The following PDE1B variants were observed in gnomAD, a reference collection of about 807,000 sequenced individuals.
PDE1B encodes the protein dual specificity calcium/calmodulin-dependent 3',5'-cyclic nucleotide phosphodiesterase 1B.
PDE1B carries 13 observed loss-of-function variants against 66.7 expected under a neutral mutation model. That is an observed-to-expected ratio of 0.19 (90% CI 0.13 to 0.31). The LOEUF (loss-of-function observed/expected upper bound fraction) is 0.31, where lower values mean the gene tolerates loss of function less well. Ranked by LOEUF, PDE1B falls within the 10% of genes least tolerant of loss-of-function variation. PDE1B has a pLI of 1.00. For missense variants in PDE1B, 485 were observed against 682.3 expected (o/e 0.71, Z 3.22); for synonymous variants, 230 against 253.9 (o/e 0.91, Z 0.90).
At chr12:54,567,498 T>G (rs1957535455) in intron 3 of PDE1B, among the ~76,000 whole-genome samples, 1 of 130,936 alleles carries the variant, frequency 7.6e-6, no homozygotes, top group African/African-American at 2.8e-5. Flanking sequence ...AGCAAGACCC[T>G]GTCTCAAAAT....
chr12:54,568,006 C>T (rs1039753574), intron 3 of PDE1B, among the ~76,000 whole-genome samples: 8 of 152,162 alleles, frequency 5.3e-5, no homozygotes, highest in Non-Finnish European at 7.4e-5. Flanking sequence ...CAGGCATGTG[C>T]CACTACGCCC....
chr12:54,576,685 G>C lies in PDE1B; in HGVS notation c.1491G>C (p.Lys497Asn). 1.2e-6 allele frequency: 2 copies of C among 1,609,656 alleles called. No individual in the cohort carries two copies. Among genetic ancestry groups the C allele is most frequent in the Non-Finnish European group, 1.7e-6 (2 of 1,177,800 alleles). The change falls in exon 14 of 16, where the codon AAG becomes AAC. Residue 497 changes from lysine (K) to asparagine (N), a missense_variant. Lys to Asn is a moderately conservative substitution (Grantham distance 94). Transcript: ENST00000243052. Reference sequence around the variant, plus strand: ...TTCAGGAGAATAAGCAGAAATGGAAGGAACGGGCAGCAAGTGGTGGGTACC... The same window carrying C: ...TTCAGGAGAATAAGCAGAAATGGAACGAACGGGCAGCAAGTGGTGGGTACC... ...KRIQENKQKWKERAASGITNQ... is the reference protein window; with the variant it reads ...KRIQENKQKWNERAASGITNQ...
intron 2 of PDE1B, among the ~76,000 whole-genome samples, chr12:54,552,260 G>C (rs1044052481): frequency 1.3e-5 from 2 of 152,160 alleles, no homozygotes; most frequent in African/African-American, 4.8e-5. Flanking sequence ...TTTCTGAATA[G>C]GTGAGAAAGG....
rs563849733 is a variant in PDE1B at position 54,575,766 on chromosome 12, G to A, written c.1267+134G>A. ...GGAAAGCCTACTGTGCTAGAGCATG[G>A]GGTCCTGGGTTAGGAGGCCAGGGGG... On this transcript the variant is annotated intron_variant, in intron 12 of 15. Transcript: ENST00000243052. The surrounding 1 kb of genome is among the most constrained non-coding windows in gnomAD (Gnocchi z 4.0). 1.2e-3 allele frequency: 952 copies of A among 781,102 alleles called. 10 individuals carry two copies. The Middle Eastern group carries it at 0.033, about 27-fold the overall frequency. The allele number at this position is 781,102 out of a possible 1,614,324, so 48.4% of individuals were successfully genotyped here.
intron 2 of PDE1B, among the ~76,000 whole-genome samples, chr12:54,555,797 G>A (rs929062301): frequency 2.0e-5 from 3 of 151,726 alleles, no homozygotes; most frequent in Admixed American, 1.3e-4. Context: ...GTTCTCTTTC[G>A]CTATGAGGCT....
chr12:54,563,292 T>C (rs1342405648), intron 2 of PDE1B, among the ~76,000 whole-genome samples: 1 of 152,242 alleles, frequency 6.6e-6, no homozygotes, highest in Non-Finnish European at 1.5e-5. Flanking sequence ...GCTAACTGCA[T>C]GATTAGGTTT....
At position 54,576,608 on chromosome 12, in the gene PDE1B, GGAGACCCCAACCC is replaced by G; in HGVS notation, c.1415_1427del (p.Gly472ValfsTer71). ...CCAGCCCTCTCTGGATGTGGAAGTG[GGAGACCCCAACCC>G]TGATGTGGTCAGCTTTCGTTCCACC... On this transcript the variant is annotated frameshift_variant, in exon 14 of 16. Coordinates refer to ENST00000243052, the MANE Select transcript of PDE1B (RefSeq NM_000924.4). LOFTEE classifies it high-confidence loss of function. 6.2e-7 allele frequency: 1 copy of G among 1,614,060 alleles called. No individual in the cohort carries two copies. Among genetic ancestry groups the G allele is most frequent in the Non-Finnish European group, 8.5e-7 (1 of 1,180,006 alleles).
At chr12:54,566,171 G>GTGAT (rs760773712) in intron 2 of PDE1B, among the ~76,000 whole-genome samples, 1 of 152,206 alleles carries the variant, frequency 6.6e-6, no homozygotes, top group Non-Finnish European at 1.5e-5. Flanking sequence ...AAAACATGAG[G>GTGAT]TGATTGTTCC....
At position 54,549,762 on chromosome 12, in the gene PDE1B, G is replaced by T. The variant is rs1957246520; in HGVS notation, c.-24G>T. ...AGAGACACCGGCCTGGCTGGTCCAC[G>T]CCAGCCGCAGGTGGGAAGGGCCTGG... On this transcript the variant is annotated 5_prime_UTR_variant, in exon 1 of 16. Coordinates refer to ENST00000243052, the MANE Select transcript of PDE1B (RefSeq NM_000924.4). 1.2e-6 allele frequency: 1 copy of T among 813,578 alleles called. No homozygotes were observed. The highest frequency in any genetic ancestry group is 2.0e-6 in the Non-Finnish European group (1 of 500,304). 50.4% of individuals were successfully genotyped at this position (813,578 alleles called of 1,614,324 possible).
chr12:54,570,662 ACTGGAGGC>A (rs1389600681), intron 6 of PDE1B: 3 of 303,222 alleles, frequency 9.9e-6, no homozygotes, highest in Non-Finnish European at 1.9e-5. Flanking sequence ...CAGTGTGGAC[ACTGGAGGC>A]CTGGAGTTCA....
chr12:54,553,569 A>G (rs1266307686), intron 2 of PDE1B, among the ~76,000 whole-genome samples: 1 of 152,200 alleles, frequency 6.6e-6, no homozygotes, highest in African/African-American at 2.4e-5. Flanking sequence ...CACTCAATAA[A>G]TGCTGTTAAA....
At position 54,572,573 on chromosome 12, in the gene PDE1B, T is replaced by C. The variant is rs748067688; in HGVS notation, c.595-28T>C. ...CCACCATTCCTGTGGATCCTTGATA[T>C]ATCTCCATTTCCCCTAACTCCCCGC... On this transcript the variant is annotated intron_variant, in intron 6 of 15. Coordinates refer to ENST00000243052, the MANE Select transcript of PDE1B (RefSeq NM_000924.4). 4.4e-6 allele frequency: 7 copies of C among 1,607,116 alleles called. No individual in the cohort carries two copies. In the Admixed American group the frequency reaches 8.3e-5, roughly 19 times the overall value.
Position 54,569,203 on chromosome 12 carries a change from G to T in PDE1B, c.247G>T (p.Asp83Tyr), listed in dbSNP as rs774670191. 3 of 1,608,918 alleles carry T rather than the reference G, an allele frequency of 1.9e-6. No individual in the cohort carries two copies. The highest frequency in any genetic ancestry group is 3.4e-5 in the Admixed American group (2 of 59,552). Residue 83 changes from aspartate to tyrosine, a missense_variant, in exon 4 of 16, where the codon GAC (aspartate) becomes TAC (tyrosine). Asp to Tyr is a radical substitution (Grantham distance 160). Coordinates refer to ENST00000243052, the MANE Select transcript of PDE1B (RefSeq NM_000924.4). This position sits in a 1 kb window ranked among gnomAD's most constrained non-coding sequence, Gnocchi z 4.4. ...TCTCAGGCAAATCTTGGACACGGAG[G>T]ACGAGCTGCAGGAGCTGCGGTCAGA... ...DETRQILDTE[D>Y]ELQELRSDAV...
At chr12:54,557,671 A>G (rs1957359300) in intron 2 of PDE1B, among the ~76,000 whole-genome samples, 1 of 152,142 alleles carries the variant, frequency 6.6e-6, no homozygotes, top group East Asian at 1.9e-4. Flanking sequence ...TAAGCTTTTA[A>G]TTTACTTTCC....
intron 3 of PDE1B, among the ~76,000 whole-genome samples, chr12:54,568,467 T>TACACACAA (rs1401882808): frequency 2.8e-5 from 4 of 143,374 alleles, no homozygotes; most frequent in African/African-American, 1.1e-4. Context: ...TGTCTAAAAA[T>TACACACAA]ACACACACAC....
intron 13 of PDE1B, 163 bp from the exon 14 acceptor site, chr12:54,576,408 G>T: frequency 1.4e-6 from 1 of 733,480 alleles, no homozygotes; most frequent in Non-Finnish European, 2.2e-6. Flanking sequence ...TGAAATGAGG[G>T]GGAGAGGGAC....
intron 2 of PDE1B, among the ~76,000 whole-genome samples, chr12:54,551,452 G>C (rs1323095522): frequency 3.3e-5 from 5 of 152,150 alleles, no homozygotes; most frequent in Non-Finnish European, 1.5e-5. Context: ...ACTGATTTTT[G>C]TTGGGAGGAG....
At chr12:54,570,838 G>C (rs1280658198) in intron 6 of PDE1B, 1 of 155,000 alleles carries the variant, frequency 6.5e-6, no homozygotes, top group Non-Finnish European at 1.4e-5. Flanking sequence ...GTATGACAGG[G>C]GGACGGTGTG....
Position 54,578,007 on chromosome 12 carries a change from C to T in PDE1B, c.*165C>T, listed in dbSNP as rs976047082. On this transcript the variant is annotated 3_prime_UTR_variant, in exon 16 of 16. Coordinates refer to ENST00000243052, the MANE Select transcript of PDE1B (RefSeq NM_000924.4). ...ATTTGGGGTTGGGGAAAGGGCCCCT[C>T]CCCACCTGACACCCACTGGGGTGCA... 1 of 153,494 alleles carries T rather than the reference C, an allele frequency of 6.5e-6. No individual in the cohort carries two copies. Among genetic ancestry groups the T allele is most frequent in the East Asian group, 1.9e-4 (1 of 5,242 alleles). The allele number at this position is 153,494 out of a possible 1,614,324, so 9.5% of individuals were successfully genotyped here.
Sources: gnomAD v4.1 joint callset for allele counts (sites outside exome capture counted in the v4.1 genomes callset) on GRCh38, gnomAD v4.1.1 for gene constraint, Gnocchi (gnomAD v3.1) non-coding constraint, MANE v1.5 for transcripts, NCBI Gene and HGNC (gene_info 2026-07-23, HGNC 2026-07-21) for gene names.